ABCA10: variants seen among roughly 807,000 people sequenced by gnomAD.
ABCA10 encodes the protein ATP-binding cassette sub-family A member 10.
A neutral mutation model predicts 187.5 loss-of-function variants in ABCA10; 169 were observed. That is an observed-to-expected ratio of 0.90 (90% CI 0.80 to 1.02). The LOEUF (loss-of-function observed/expected upper bound fraction) is 1.02. Ranked by LOEUF, ABCA10 falls within the 50% of genes least tolerant of loss-of-function variation. The probability of loss-of-function intolerance (pLI) is 0.00; values close to 1 mark genes in which losing one functional copy is unlikely to be tolerated. For missense variants in ABCA10, 1,727 were observed against 1,812.4 expected (o/e 0.95, Z 0.86); for synonymous variants, 574 against 601.8 (o/e 0.95, Z 0.68).
In ABCA10 at chr17:69,227,289, G is replaced by T. The variant is rs1414751680; in HGVS notation, c.-312-4C>A. ...AGTAAATATTGCAGAGCAATAGCTA[G>T]GGGAAAAAAGAAAAAAAAAAAGTTC... On this transcript the variant is annotated splice_region_variant and splice_polypyrimidine_tract_variant and intron_variant, in intron 1 of 38. Transcript: ENST00000690296. 1 of 150,488 alleles carries T rather than the reference G, an allele frequency of 6.6e-6. No homozygotes were observed. Among genetic ancestry groups the T allele is most frequent in the Admixed American group, 6.6e-5 (1 of 15,042 alleles). The allele number at this position is 150,488 out of a possible 1,614,324, so 9.3% of individuals were successfully genotyped here.
At chr17:69,210,170 CTTTTTTTTTTTTTTTTTTT>C (rs1160992125) in intron 9 of ABCA10, among the ~76,000 whole-genome samples, 3 of 70,894 alleles carry the variant, frequency 4.2e-5, no homozygotes, top group Non-Finnish European at 7.9e-5. Context: ...GTGGTTATTT[CTTTTTTTTTTTTTTTTTTT>C]TTTTTTTTTT....
intron 22 of ABCA10, among the ~76,000 whole-genome samples, chr17:69,177,308 A>C (rs1305435070): frequency 6.6e-6 from 1 of 152,138 alleles, no homozygotes; most frequent in East Asian, 1.9e-4. Context: ...TCAATCTGCC[A>C]TTTAATGCTA....
At chr17:69,202,254 A>G (rs1213198064) in intron 9 of ABCA10, among the ~76,000 whole-genome samples, 1 of 152,208 alleles carries the variant, frequency 6.6e-6, no homozygotes, top group African/African-American at 2.4e-5. Context: ...GGATTTCCAG[A>G]CATTTGGATG....
chr17:69,226,576 A>G (rs928644761), intron 2 of ABCA10, among the ~76,000 whole-genome samples: 2 of 152,020 alleles, frequency 1.3e-5, no homozygotes, highest in African/African-American at 4.8e-5. Flanking sequence ...ACTCAACAGA[A>G]TGCAAAGGTA....
At chr17:69,205,318 T>C (rs371786168) in intron 9 of ABCA10, among the ~76,000 whole-genome samples, 3 of 152,182 alleles carry the variant, frequency 2.0e-5, no homozygotes, top group Non-Finnish European at 2.9e-5. Context: ...AGCCTCTAGA[T>C]GGAAAAACAC....
Position 69,150,075 on chromosome 17 carries a change from A to G in ABCA10, c.4398-12T>C. On this transcript the variant is annotated splice_polypyrimidine_tract_variant and intron_variant, in intron 36 of 38. Coordinates refer to ENST00000690296, the MANE Select transcript of ABCA10 (RefSeq NM_001377321.1). ...TTAAAGAGGAATATCTGTCAGGAAG[A>G]AGAGTGAGATTTATTACTAAGTTTC... 6.3e-7 allele frequency: 1 copy of G among 1,591,830 alleles called. No homozygotes were observed. Among genetic ancestry groups the G allele is most frequent in the Admixed American group, 1.7e-5 (1 of 58,924 alleles).
chr17:69,166,276 C>A (rs1325604459), intron 25 of ABCA10, among the ~76,000 whole-genome samples: 1 of 151,670 alleles, frequency 6.6e-6, no homozygotes, highest in Non-Finnish European at 1.5e-5. Flanking sequence ...ACCGTAGGAC[C>A]TAGGAATTGC....
intron 6 of ABCA10, among the ~76,000 whole-genome samples, chr17:69,217,079 C>T (rs914508348): frequency 6.6e-6 from 1 of 151,952 alleles, no homozygotes; most frequent in African/African-American, 2.4e-5. Flanking sequence ...AACCCCATCT[C>T]TACTAAAAAT....
In ABCA10 at chr17:69,153,315, G is replaced by A; in HGVS notation, c.4126C>T (p.Gln1376Ter). 1 of 1,611,222 alleles carries A rather than the reference G, an allele frequency of 6.2e-7. No homozygotes were observed. The highest frequency in any genetic ancestry group is 1.3e-5 in the African/African-American group (1 of 74,898). Residue 1376 changes from glutamine (Q) to a stop codon, truncating the protein, a stop_gained, in exon 34 of 39, where the codon CAG (glutamine) becomes TAG (stop). Coordinates refer to ENST00000690296, the MANE Select transcript of ABCA10 (RefSeq NM_001377321.1). LOFTEE classifies it high-confidence loss of function. The stretch of plus-strand genomic sequence containing the variant: ...ATTCACTCTCCTTACCACATTTGCT[G>A]CTGCCCCTCGGGGTCCATCCCGGTG... ...PFTGMDPEGQ[Q>*]QMWQILQATV...
chr17:69,221,045 A>G (rs2074743544), intron 5 of ABCA10, among the ~76,000 whole-genome samples: 1 of 152,210 alleles, frequency 6.6e-6, no homozygotes, highest in African/African-American at 2.4e-5. Context: ...TAGAGAAAAC[A>G]TATGGGATAG....
Position 69,155,827 on chromosome 17 carries a change from A to G in ABCA10, c.3554T>C (p.Leu1185Pro). 6.2e-7 allele frequency: 1 copy of G among 1,613,744 alleles called. No individual in the cohort carries two copies. Among genetic ancestry groups the G allele is most frequent in the Non-Finnish European group, 8.5e-7 (1 of 1,179,734 alleles). ...CACCTCCTCCAAGTTTGGAGCAGTGAGTGCATTTGCTGCTTGGACTCTTTC... is the reference window on the plus strand; with the variant it reads ...CACCTCCTCCAAGTTTGGAGCAGTGGGTGCATTTGCTGCTTGGACTCTTTC... ...QAERVQAANA[L>P]TAPNLEEEPV... Residue 1185 changes from leucine (L) to proline (P), a missense_variant, in exon 29 of 39, where the codon CTC (leucine) becomes CCC (proline). Coordinates refer to ENST00000690296, the MANE Select transcript of ABCA10 (RefSeq NM_001377321.1).
At chr17:69,239,042 G>A (rs933054802) in intron 1 of ABCA10, among the ~76,000 whole-genome samples, 1 of 152,184 alleles carries the variant, frequency 6.6e-6, no homozygotes, top group African/African-American at 2.4e-5. Flanking sequence ...CTAAAGCAGT[G>A]AAAACAAATT....
At position 69,182,748 on chromosome 17, in the gene ABCA10, T is replaced by G; in HGVS notation, c.2558A>C (p.Asp853Ala). The change falls in exon 21 of 39, where the codon GAT becomes GCT. Residue 853 changes from aspartate to alanine, a missense_variant. Transcript: ENST00000690296. ...LKCQDIVLEI[D>A]DFRNRNGSDD... ...TGAGCCATTTCTGTTTCTAAAGTCA[T>G]CTATTTCCAAAACTATATCCTGACA... 11 of 1,612,500 alleles carry G rather than the reference T, an allele frequency of 6.8e-6. No homozygotes were observed. Among genetic ancestry groups the G allele is most frequent in the Non-Finnish European group, 9.3e-6 (11 of 1,179,440 alleles).
chr17:69,195,288 T>C (rs2144808028), intron 11 of ABCA10, among the ~76,000 whole-genome samples: 1 of 152,282 alleles, frequency 6.6e-6, no homozygotes, highest in East Asian at 1.9e-4. Flanking sequence ...GTTTCACTAA[T>C]ACTTCGAGCT....
chr17:69,165,415 G>T (rs749299566), intron 25 of ABCA10, among the ~76,000 whole-genome samples: 1 of 152,148 alleles, frequency 6.6e-6, no homozygotes, highest in Admixed American at 6.6e-5. Flanking sequence ...ATACAGTGAA[G>T]AATTAACTGA....
chr17:69,164,483 T>G (rs1273191294), intron 26 of ABCA10, among the ~76,000 whole-genome samples: 1 of 152,174 alleles, frequency 6.6e-6, no homozygotes, highest in African/African-American at 2.4e-5. Flanking sequence ...TTAGTTTCTG[T>G]CAGAAGTGGT....
upstream of ABCA10, among the ~76,000 whole-genome samples, chr17:69,230,130 C>G (rs944251071): frequency 1.3e-5 from 2 of 152,002 alleles, no homozygotes; most frequent in African/African-American, 4.8e-5. Flanking sequence ...GCCCAATTCT[C>G]TCTCTCTCTG....
intron 1 of ABCA10, among the ~76,000 whole-genome samples, chr17:69,235,945 T>A (rs980866284): frequency 6.6e-6 from 1 of 152,214 alleles, no homozygotes. Context: ...GAGCTTTAAC[T>A]AGGCAAAAGA....
At chr17:69,153,603 A>G (rs2074148248) in intron 32 of ABCA10, 57 bp from the exon 33 acceptor site, 4 of 1,591,584 alleles carry the variant, frequency 2.5e-6, no homozygotes, top group Non-Finnish European at 3.4e-6. Flanking sequence ...CCTATCTAAA[A>G]CAACTGTAGG....
Sources: allele counts gnomAD v4.1 joint callset (sites outside exome capture counted in the v4.1 genomes callset), GRCh38; gene constraint gnomAD v4.1.1; transcripts MANE v1.5; gene names NCBI Gene and HGNC (gene_info 2026-07-23, HGNC 2026-07-21).